Variants in PTPRN2 observed in about 807,000 individuals in gnomAD.
The protein encoded by PTPRN2 is protein tyrosine phosphatase receptor type N2, also known as receptor-type tyrosine-protein phosphatase N2.
PTPRN2 carries 74 observed loss-of-function variants against 118.8 expected under a neutral mutation model. The ratio of observed to expected loss-of-function variants is 0.62; its 90% CI spans 0.52 to 0.76. The LOEUF (loss-of-function observed/expected upper bound fraction) is 0.76. Ranked by LOEUF, PTPRN2 falls within the 30% of genes least tolerant of loss-of-function variation. The pLI is 0.00. For synonymous variants in PTPRN2, 641 were observed against 608.0 expected (o/e 1.05, Z -0.80); for missense variants, 1,481 against 1,394.4 (o/e 1.06, Z -0.99).
chr7:158,337,612 A>G (rs563277849), intron 2 of PTPRN2, among the ~76,000 whole-genome samples: 23 of 105,146 alleles, frequency 2.2e-4, no homozygotes, highest in African/African-American at 6.9e-4. Flanking sequence ...CACTCTCACC[A>G]TAAGAGGAGA....
intron 3 of PTPRN2, among the ~76,000 whole-genome samples, chr7:158,312,094 C>T (rs1029255480): frequency 6.7e-6 from 1 of 149,760 alleles, no homozygotes; most frequent in African/African-American, 2.5e-5. Context: ...CATTCACATG[C>T]TCACATGTAG....
In PTPRN2 at chr7:158,563,590, G is replaced by A. The variant is rs1827509813; in HGVS notation, c.112+23968C>T. On this transcript the variant is annotated intron_variant, in intron 1 of 22. Coordinates refer to ENST00000389418, the MANE Select transcript of PTPRN2 (RefSeq NM_002847.5). This position sits in a 1 kb window ranked among gnomAD's most constrained non-coding sequence, Gnocchi z 5.1. ...GCTCCCAGCCCACCCCGATGGGAGTGTTGGATGAAGAATCCTGCAGCTCTC... is the reference window on the plus strand; with the variant it reads ...GCTCCCAGCCCACCCCGATGGGAGTATTGGATGAAGAATCCTGCAGCTCTC... 6.6e-6 allele frequency among the ~76,000 whole-genome samples: 1 copy of A among 152,234 alleles called. No individual in the cohort carries two copies. Among genetic ancestry groups the A allele is most frequent in the South Asian group, 2.1e-4 (1 of 4,830 alleles).
chr7:158,302,525 C>T (rs1398757878), intron 3 of PTPRN2, among the ~76,000 whole-genome samples: 1 of 152,240 alleles, frequency 6.6e-6, no homozygotes, highest in African/African-American at 2.4e-5. Context: ...CCCAGATCAC[C>T]CCCAGTCACC....
intron 11 of PTPRN2, among the ~76,000 whole-genome samples, chr7:157,981,081 AC>A (rs1162585633): frequency 6.6e-6 from 1 of 152,244 alleles, no homozygotes; most frequent in Non-Finnish European, 1.5e-5. Flanking sequence ...TCAGGCACTC[AC>A]ACAGTTAGAT....
At chr7:157,792,637 T>A (rs556573101) in intron 12 of PTPRN2, among the ~76,000 whole-genome samples, 1 of 152,274 alleles carries the variant, frequency 6.6e-6, no homozygotes, top group Non-Finnish European at 1.5e-5. Context: ...CAGAACACCT[T>A]GTAAGCGAAT....
intron 11 of PTPRN2, among the ~76,000 whole-genome samples, chr7:157,991,732 A>G (rs566822257): frequency 6.6e-6 from 1 of 152,288 alleles, no homozygotes; most frequent in African/African-American, 2.4e-5. Context: ...CAAGTGACAC[A>G]CCCAAGGCTG....
At chr7:158,261,259 G>A (rs181315384) in intron 3 of PTPRN2, among the ~76,000 whole-genome samples, 190 of 152,244 alleles carry the variant, frequency 1.2e-3, no homozygotes, top group Non-Finnish European at 2.5e-3. Context: ...CCGGGCAGCG[G>A]GAAGAAGCTC....
At chr7:158,530,034 C>G (rs1825105950) in intron 1 of PTPRN2, among the ~76,000 whole-genome samples, 1 of 152,150 alleles carries the variant, frequency 6.6e-6, no homozygotes, top group South Asian at 2.1e-4. Flanking sequence ...GGCCTAGCTC[C>G]AAGTTTCTGT....
In PTPRN2 at chr7:158,205,257, A is replaced by G. The variant is rs140321292; in HGVS notation, c.294T>C (p.Asp98=). Residue 98 remains aspartate, a synonymous_variant, in exon 4 of 23, where the codon GAT becomes GAC. Transcript: ENST00000389418. ...KLSGTGFTWQ[D]DYTQYVMDQE... is the part of the protein sequence containing the mutation. ...GGTCCATCACATACTGAGTATAGTC[A>G]TCCTGCCACGTGAAACCTGTGGACA... 2.5e-4 allele frequency: 397 copies of G among 1,613,850 alleles called. 4 individuals carry two copies. In the African/African-American group the frequency reaches 4.7e-3, roughly 19 times the overall value.
intron 11 of PTPRN2, among the ~76,000 whole-genome samples, chr7:158,041,358 C>T (rs1808454049): frequency 6.6e-6 from 1 of 152,190 alleles, no homozygotes; most frequent in Admixed American, 6.5e-5. Context: ...ACAATTGAGG[C>T]TGGGCACGGT....
intron 11 of PTPRN2, among the ~76,000 whole-genome samples, chr7:158,050,674 G>T (rs114457109): frequency 0.071 from 10,823 of 152,316 alleles, 465 homozygotes; most frequent in Admixed American, 0.1. Context: ...AGGGTGGGTA[G>T]GGAAGGCCTC....
intron 11 of PTPRN2, among the ~76,000 whole-genome samples, chr7:157,969,576 G>C (rs938101845): frequency 3.3e-5 from 5 of 152,138 alleles, no homozygotes; most frequent in Non-Finnish European, 7.4e-5. Context: ...GTGGGGGCCA[G>C]GGGTAGCCAT....
intron 4 of PTPRN2, 109 bp from the exon 5 acceptor site, chr7:158,192,604 C>T (rs1057477443): frequency 2.0e-5 from 26 of 1,283,986 alleles, no homozygotes; most frequent in African/African-American, 1.3e-4. Flanking sequence ...GCCGGGCTCT[C>T]GGTGGCCGGC....
intron 11 of PTPRN2, among the ~76,000 whole-genome samples, chr7:158,077,712 C>T (rs1033116737): frequency 8.5e-5 from 13 of 152,100 alleles, no homozygotes; most frequent in African/African-American, 3.1e-4. Context: ...CACAGGCAGC[C>T]CCACAGGCCA....
intron 2 of PTPRN2, among the ~76,000 whole-genome samples, chr7:158,413,004 ACCAGGGCCCATCCAGTGGCCTCCTCAGCT>A (rs1563262494): frequency 2.3e-5 from 3 of 129,556 alleles, no homozygotes; most frequent in Non-Finnish European, 3.2e-5. Flanking sequence ...CCTCCTCAGC[ACCAGGGCCCATCCAGTGGCCTCCTCAGCT>A]CCAGGGCCCA....
intron 10 of PTPRN2, among the ~76,000 whole-genome samples, chr7:158,083,029 G>A (rs950322986): frequency 2.0e-5 from 3 of 152,186 alleles, no homozygotes; most frequent in African/African-American, 7.2e-5. Context: ...TCGCTCATGA[G>A]TGCTGAGTTC....
At chr7:158,164,277 G>C (rs910252514) in intron 6 of PTPRN2, among the ~76,000 whole-genome samples, 2 of 151,820 alleles carry the variant, frequency 1.3e-5, no homozygotes, top group Non-Finnish European at 2.9e-5. Context: ...CGCAGAGCAA[G>C]AGCGCGTGCG....
At chr7:157,737,563 G>T (rs1330750540) in intron 12 of PTPRN2, among the ~76,000 whole-genome samples, 1 of 152,270 alleles carries the variant, frequency 6.6e-6, no homozygotes, top group Non-Finnish European at 1.5e-5. Context: ...GCAGCAGCAA[G>T]TTCCCATCCC....
intron 17 of PTPRN2, among the ~76,000 whole-genome samples, chr7:157,593,104 T>C (rs13232964): frequency 1.1e-3 from 121 of 107,342 alleles, no homozygotes; most frequent in East Asian, 2.2e-3. Context: ...TCACGCAGGA[T>C]GGAGGGTGGA....
Sources: allele counts gnomAD v4.1 joint callset (sites outside exome capture counted in the v4.1 genomes callset), GRCh38; gene constraint gnomAD v4.1.1; non-coding constraint Gnocchi (gnomAD v3.1); transcripts MANE v1.5; gene names NCBI Gene and HGNC (gene_info 2026-07-23, HGNC 2026-07-21).